Variants in GPR108 observed in about 807,000 individuals in gnomAD.
The protein encoded by GPR108 is protein GPR108.
GPR108 carries 60 observed loss-of-function variants against 74.3 expected under a neutral mutation model. The ratio of observed to expected loss-of-function variants is 0.81; its 90% CI spans 0.66 to 1.00. The LOEUF (loss-of-function observed/expected upper bound fraction) is 1.00. Among genes scored for constraint, GPR108 ranks in the 50% least tolerant of loss-of-function variants. The pLI, the probability that GPR108 is intolerant of heterozygous loss-of-function variation, is 0.00. For synonymous variants in GPR108, 311 were observed against 292.4 expected (o/e 1.06, Z -0.65); for missense variants, 667 against 703.3 (o/e 0.95, Z 0.58).
rs1328227963 is a variant in GPR108 at position 6,730,921 on chromosome 19, C to T, written c.1559+66G>A. The T allele has an allele frequency of 6.8e-6, 10 of 1,478,142 alleles. No homozygotes were observed. The Admixed American group carries it at 6.9e-5, about 10-fold the overall frequency. 91.6% of individuals were successfully genotyped at this position (1,478,142 alleles called of 1,614,324 possible). ...GTCCCTCCCCCCTGCCCACCCTGCCCGTAGAGCTGCCCACCCCCTACTCCA... is the reference window on the plus strand; with the variant it reads ...GTCCCTCCCCCCTGCCCACCCTGCCTGTAGAGCTGCCCACCCCCTACTCCA... On this transcript the variant is annotated intron_variant, in intron 17 of 17. Coordinates refer to ENST00000264080, the MANE Select transcript of GPR108 (RefSeq NM_001080452.2).
chr19:6,732,828 CAG>C (rs1050514745), intron 10 of GPR108, 157 bp downstream of exon 10: 35 of 680,160 alleles, frequency 5.1e-5, no homozygotes, highest in Middle Eastern at 8.0e-4. Context: ...GACTGGTGGA[CAG>C]AGGGGATGGG....
At position 6,730,241 on chromosome 19, in the gene GPR108, C is replaced by A; in HGVS notation, c.*71G>T. The A allele has an allele frequency of 1.4e-6, 2 of 1,414,184 alleles. No individual in the cohort carries two copies. The highest frequency in any genetic ancestry group is 2.0e-6 in the Non-Finnish European group (2 of 998,182). The allele number at this position is 1,414,184 out of a possible 1,614,324, so 87.6% of individuals were successfully genotyped here. A position where few individuals can be genotyped will look rare whatever the true frequency, so the allele number is the denominator to read the frequency against. Reference sequence around the variant, plus strand: ...TGGACCCCCTCCACCTCCCCACATACGCTGTGGAAGAAGGGCAGGAGTGAG... The same window carrying A: ...TGGACCCCCTCCACCTCCCCACATAAGCTGTGGAAGAAGGGCAGGAGTGAG... On this transcript the variant is annotated 3_prime_UTR_variant, in exon 18 of 18. Coordinates refer to ENST00000264080, the MANE Select transcript of GPR108 (RefSeq NM_001080452.2).
intron 14 of GPR108, 149 bp downstream of exon 14, chr19:6,731,742 G>T: frequency 1.0e-6 from 1 of 972,266 alleles, no homozygotes; most frequent in East Asian, 2.5e-5. Flanking sequence ...AAGGCATTCG[G>T]GGGAAAGAGA....
intron 10 of GPR108, 174 bp downstream of exon 10, chr19:6,732,813 C>T (rs932085272): frequency 2.4e-5 from 16 of 662,808 alleles, no homozygotes; most frequent in African/African-American, 5.4e-5. Flanking sequence ...AGAGCTGCCC[C>T]GCAGGACTGG....
chr19:6,733,808 G>T, intron 7 of GPR108, 37 bp downstream of exon 7: 1 of 1,610,930 alleles, frequency 6.2e-7, no homozygotes, highest in South Asian at 1.1e-5. Context: ...CCGTGCTCTG[G>T]GGTGACGGAA....
At chr19:6,732,430 C>G (rs769337968) in intron 11 of GPR108, 46 bp downstream of exon 11, 2 of 1,611,848 alleles carry the variant, frequency 1.2e-6, no homozygotes, top group East Asian at 2.2e-5. Context: ...CCAACCCTCC[C>G]CTGCCTGCCT....
intron 4 of GPR108, chr19:6,735,352 G>A (rs920120268): frequency 3.4e-5 from 13 of 383,932 alleles, no homozygotes; most frequent in Admixed American, 8.6e-5. Flanking sequence ...TTAAAGCTCC[G>A]GGACACCGGA....
Position 6,733,295 on chromosome 19 carries a change from T to A in GPR108, c.730A>T (p.Ile244Phe), listed in dbSNP as rs759439843. 6.2e-7 allele frequency: 1 copy of A among 1,613,448 alleles called. No individual in the cohort carries two copies. The highest frequency in any genetic ancestry group is 8.5e-7 in the Non-Finnish European group (1 of 1,179,760). Residue 244 changes from isoleucine to phenylalanine, a missense_variant, in exon 9 of 18, where the codon ATC (isoleucine) becomes TTC (phenylalanine). Coordinates refer to ENST00000264080, the MANE Select transcript of GPR108 (RefSeq NM_001080452.2). ...KEHPFDITVM[I>F]REKNPDGFLS... ...AAGCCATCGGGGTTCTTCTCCCGGA[T>A]CATCACCTGCGGAGGGGGCAGTGGT...
chr19:6,731,441 C>T, intron 15 of GPR108, 32 bp downstream of exon 15: 1 of 1,525,094 alleles, frequency 6.6e-7, no homozygotes. Context: ...GGTAATCCCC[C>T]CAAACCCGCT....
chr19:6,732,060 G>A lies in GPR108; in HGVS notation c.1221C>T (p.Leu407=). The change falls in exon 13 of 18, where the codon CTC becomes CTT. Residue 407 remains leucine (L), a synonymous_variant. Coordinates refer to ENST00000264080, the MANE Select transcript of GPR108 (RefSeq NM_001080452.2). ...GGAACAGGATGGCACCACAGCAGAT[G>A]AGGTCCACCAGGAACAAAATCTCCT... ...LWKEILFLVD[L]ICCGAILFPV... 1 of 1,613,990 alleles carries A rather than the reference G, an allele frequency of 6.2e-7. No homozygotes were observed. Among genetic ancestry groups the A allele is most frequent in the Non-Finnish European group, 8.5e-7 (1 of 1,180,014 alleles).
rs73500319 is a variant in GPR108 at position 6,731,817 on chromosome 19, T to C, written c.1300+74A>G. ...CTGGGCAGAGAGGCCAGGAGGGGCA[T>C]CCAAGGGGCAGAAAGAAGGGCCCGG... On this transcript the variant is annotated intron_variant, in intron 14 of 17. Coordinates refer to ENST00000264080, the MANE Select transcript of GPR108 (RefSeq NM_001080452.2). The C allele has an allele frequency of 9.5e-4, 1,480 of 1,552,972 alleles. 21 individuals carry two copies. In the African/African-American group the frequency reaches 0.018, roughly 19 times the overall value.
In GPR108 at chr19:6,732,278, G is replaced by A. The variant is rs775328365; in HGVS notation, c.1110C>T (p.Ile370=). ...CCATCCGCACCTGCATGGGGATCAC[G>A]ATCCCAAAGACCTTCTTCTCCTTAT... ...LSDKEKKVFG[I]VIPMQVLANV... Residue 370 remains isoleucine (I), a synonymous_variant, in exon 12 of 18, where the codon ATC becomes ATT. Transcript: ENST00000264080. 12 of 1,612,450 alleles carry A rather than the reference G, an allele frequency of 7.4e-6. No homozygotes were observed. In the South Asian group the frequency reaches 7.7e-5, roughly 10 times the overall value.
Position 6,733,570 on chromosome 19 carries a change from C to G in GPR108, c.723G>C (p.Thr241=), listed in dbSNP as rs199564830. The change falls in exon 8 of 18, where the codon ACG becomes ACC. Residue 241 remains threonine (T), a splice_region_variant and synonymous_variant. Transcript: ENST00000264080. ...CCCTGCTGCCCTCCACTCCGCTCACCGTGATGTCGAATGGATGCTCCTTTC... is the reference window on the plus strand; with the variant it reads ...CCCTGCTGCCCTCCACTCCGCTCACGGTGATGTCGAATGGATGCTCCTTTC... ...VPGKEHPFDI[T]VMIREKNPDG... is the part of the protein sequence containing the mutation. 6.2e-6 allele frequency: 10 copies of G among 1,613,652 alleles called. No homozygotes were observed. The highest frequency in any genetic ancestry group is 8.5e-6 in the Non-Finnish European group (10 of 1,179,646).
chr19:6,731,466 C>A lies in GPR108; in HGVS notation c.1350+7G>T. On this transcript the variant is annotated splice_region_variant and intron_variant, in intron 15 of 17. Transcript: ENST00000264080. ...CCAAACCCGCTGTGAGTGAGGCGGG[C>A]TCCTACCATGACATAGTAATGCCGG... 6.5e-7 allele frequency: 1 copy of A among 1,537,172 alleles called. No individual in the cohort carries two copies. Among genetic ancestry groups the A allele is most frequent in the South Asian group, 1.3e-5 (1 of 78,402 alleles).
chr19:6,731,152 AC>A (rs1968383479), intron 16 of GPR108, 41 bp from the exon 17 acceptor site: 4 of 1,606,218 alleles, frequency 2.5e-6, no homozygotes, highest in East Asian at 4.5e-5. Flanking sequence ...GCGCACCCCC[AC>A]CCCCACCGTG....
In GPR108 at chr19:6,731,295, G is replaced by GA; in HGVS notation, c.1351-14dup. ...CGTAGCAGATGACCTGCAGGGGCGC[G>GA]AGCAGGCGTGGGGCCAGGACTGTAG... On this transcript the variant is annotated splice_polypyrimidine_tract_variant and intron_variant, in intron 15 of 17. Coordinates refer to ENST00000264080, the MANE Select transcript of GPR108 (RefSeq NM_001080452.2). The GA allele has an allele frequency of 1.9e-6, 3 of 1,542,108 alleles. No homozygotes were observed. The highest frequency in any genetic ancestry group is 2.6e-6 in the Non-Finnish European group (3 of 1,141,544).
At position 6,731,934 on chromosome 19, in the gene GPR108, C is replaced by T. The variant is rs1018823052; in HGVS notation, c.1257G>A (p.Trp419Ter). The stretch of plus-strand genomic sequence containing the variant: ...ACGCATCCTGGAGATGCCGGATGGA[C>T]CTGGGACAAGTGGAGGACACAGGGT... Reference protein sequence around the residue: ...CCGAILFPVVWSIRHLQDASG... With the variant: ...CCGAILFPVV The change falls in exon 14 of 18, where the codon TGG becomes TGA. Residue 419 changes from tryptophan (W) to a stop codon, truncating the protein, a stop_gained and splice_region_variant. Transcript: ENST00000264080. LOFTEE classifies it high-confidence loss of function. 1 of 1,612,952 alleles carries T rather than the reference C, an allele frequency of 6.2e-7. No homozygotes were observed.
rs1968437297 is a variant in GPR108 at position 6,732,140 on chromosome 19, C to T, written c.1141G>A (p.Ala381Thr). 6.2e-7 allele frequency: 1 copy of T among 1,613,728 alleles called. No individual in the cohort carries two copies. Among genetic ancestry groups the T allele is most frequent in the Non-Finnish European group, 8.5e-7 (1 of 1,180,004 alleles). The change falls in exon 13 of 18, where the codon GCC becomes ACC. Residue 381 changes from alanine to threonine, a missense_variant. Ala to Thr is a moderately conservative substitution (Grantham distance 58). Coordinates refer to ENST00000264080, the MANE Select transcript of GPR108 (RefSeq NM_001080452.2). Reference protein sequence around the residue: ...VIPMQVLANVAYIIIESREEG... With the variant: ...VIPMQVLANVTYIIIESREEG... ...TCGCGGGACTCGATGATGATGTAGG[C>T]CACGTTGGCCAGGACCTGCGCAGGC...
chr19:6,736,451 A>T, intron 2 of GPR108, 141 bp downstream of exon 2: 1 of 852,048 alleles, frequency 1.2e-6, no homozygotes, highest in Non-Finnish European at 1.8e-6. Flanking sequence ...AGACATCATT[A>T]CTCCCAGGTA....
Sources: gnomAD v4.1 joint callset for allele counts on GRCh38, gnomAD v4.1.1 for gene constraint, MANE v1.5 for transcripts, NCBI Gene and HGNC (gene_info 2026-07-23, HGNC 2026-07-21) for gene names.